The following RBMS3 variants were observed in gnomAD, a reference collection of about 807,000 sequenced individuals.
RBMS3 encodes the protein RNA binding motif single stranded interacting protein 3.
RBMS3 carries 27 observed loss-of-function variants against 66.8 expected under a neutral mutation model. The ratio of observed to expected loss-of-function variants is 0.40; its 90% CI spans 0.30 to 0.56. The LOEUF (loss-of-function observed/expected upper bound fraction) is 0.56. Among genes scored for constraint, RBMS3 ranks in the 20% least tolerant of loss-of-function variants. RBMS3 has a pLI of 0.40. For missense variants in RBMS3, 513 were observed against 549.5 expected, an observed-to-expected ratio of 0.93 and a Z score of 0.66; for synonymous variants, 188 against 183.0, an observed-to-expected ratio of 1.03 and a Z score of -0.22.
chr3:29,541,838 C>T (rs2045775296), intron 3 of RBMS3, among the ~76,000 whole-genome samples: 1 of 152,102 alleles, frequency 6.6e-6, no homozygotes, highest in Non-Finnish European at 1.5e-5. Flanking sequence ...ACTGCCGCAG[C>T]CCTCAGCCCT....
rs150222372 is a variant in RBMS3, at chr3:29,750,670, A to T, written c.557+10793A>T. Among the ~76,000 whole-genome samples the T allele has an allele frequency of 3.6e-3, 552 of 152,184 alleles. 4 individuals are homozygous for T. The highest frequency in any genetic ancestry group is 0.013 in the African/African-American group (524 of 41,526). On this transcript the variant is annotated intron_variant, in intron 5 of 14. Coordinates refer to ENST00000383767, the MANE Select transcript of RBMS3 (RefSeq NM_001003793.3). ...CACCCATATATTAAGCCTAGTACCC[A>T]TTAGTTATTTTTCTGATCCTCTCCT... is the stretch of plus-strand genomic sequence containing the variant.
At chr3:29,621,052 A>G (rs1191252601) in intron 4 of RBMS3, among the ~76,000 whole-genome samples, 7 of 152,122 alleles carry the variant, frequency 4.6e-5, no homozygotes, top group African/African-American at 1.7e-4. Context: ...GGAAACCCAT[A>G]GCTCATAAAG....
intron 3 of RBMS3, among the ~76,000 whole-genome samples, chr3:29,540,436 A>G (rs1479999866): frequency 6.6e-6 from 1 of 152,184 alleles, no homozygotes; most frequent in Non-Finnish European, 1.5e-5. Flanking sequence ...ACATTTGTTA[A>G]TTAAGAAGCA....
At chr3:29,713,501 C>G (rs2053258431) in intron 4 of RBMS3, among the ~76,000 whole-genome samples, 1 of 151,990 alleles carries the variant, frequency 6.6e-6, no homozygotes, top group African/African-American at 2.4e-5. Context: ...TGTGCTGGCT[C>G]CATTCTAGAA....
chr3:29,733,628 G>A (rs967657722), intron 4 of RBMS3, among the ~76,000 whole-genome samples: 13 of 152,036 alleles, frequency 8.6e-5, no homozygotes, highest in African/African-American at 3.1e-4. Flanking sequence ...GTGATGTTGA[G>A]TATATTTCTC....
chr3:29,828,212 C>T (rs2058260482), intron 6 of RBMS3, among the ~76,000 whole-genome samples: 1 of 152,148 alleles, frequency 6.6e-6, no homozygotes, highest in Non-Finnish European at 1.5e-5. Context: ...GGCCCTATAT[C>T]CCAAGGAGCC....
At chr3:29,346,709 A>G (rs2036600877) in intron 1 of RBMS3, among the ~76,000 whole-genome samples, 1 of 152,088 alleles carries the variant, frequency 6.6e-6, no homozygotes. Flanking sequence ...TCATTCTTAT[A>G]TCTTCAGAAA....
At position 29,556,747 on chromosome 3, in the gene RBMS3, AC is replaced by A. The variant is rs147177217; in HGVS notation, c.308-30365del. Among the ~76,000 whole-genome samples the A allele has an allele frequency of 6.2e-3, 937 of 152,222 alleles. 27 individuals carry two copies. Among genetic ancestry groups the A allele is most frequent in the Admixed American group, 0.054 (830 of 15,292 alleles). ...TGTATTTCTGTTTCCAATTGCTAGCACCTGTGACTGTTCTTCCTAGGGCAGT... is the reference window on the plus strand; with the variant it reads ...TGTATTTCTGTTTCCAATTGCTAGCACTGTGACTGTTCTTCCTAGGGCAGT... On this transcript the variant is annotated intron_variant, in intron 3 of 14. Coordinates refer to ENST00000383767, the MANE Select transcript of RBMS3 (RefSeq NM_001003793.3).
At chr3:29,383,357 G>A (rs779515163) in intron 1 of RBMS3, among the ~76,000 whole-genome samples, 83 of 152,078 alleles carry the variant, frequency 5.5e-4, no homozygotes, top group Non-Finnish European at 6.2e-4. Context: ...TTTTGATTTT[G>A]CCTCTGATAT....
At chr3:29,986,235 A>G (rs1698383879) in intron 12 of RBMS3, among the ~76,000 whole-genome samples, 1 of 152,252 alleles carries the variant, frequency 6.6e-6, no homozygotes, top group African/African-American at 2.4e-5. Context: ...TGATAAAAAT[A>G]TATTCTCACT....
chr3:29,902,105 T>C (rs1359070849), intron 10 of RBMS3, among the ~76,000 whole-genome samples: 1 of 151,882 alleles, frequency 6.6e-6, no homozygotes, highest in Non-Finnish European at 1.5e-5. Flanking sequence ...GGATTCTTGG[T>C]TGAGCTCATT....
At chr3:29,662,057 A>G (rs1171017642) in intron 4 of RBMS3, among the ~76,000 whole-genome samples, 1 of 152,220 alleles carries the variant, frequency 6.6e-6, no homozygotes, top group Non-Finnish European at 1.5e-5. Flanking sequence ...TGAATGATCT[A>G]TGCACATTTT....
At chr3:29,953,696 A>G (rs1036473394) in intron 12 of RBMS3, among the ~76,000 whole-genome samples, 3 of 151,940 alleles carry the variant, frequency 2.0e-5, no homozygotes, top group Admixed American at 6.6e-5. Context: ...TTTGATTGTC[A>G]CAATCATTCC....
chr3:29,663,302 A>G (rs2050627350), intron 4 of RBMS3, among the ~76,000 whole-genome samples: 1 of 152,260 alleles, frequency 6.6e-6, no homozygotes, highest in African/African-American at 2.4e-5. Context: ...ACAAATGGTC[A>G]ATAACCTCTA....
intron 1 of RBMS3, among the ~76,000 whole-genome samples, chr3:29,430,008 C>T (rs1269463609): frequency 1.3e-5 from 2 of 152,006 alleles, no homozygotes; most frequent in African/African-American, 2.4e-5. Context: ...GCAGCAAGAA[C>T]ATACAAAATC....
chr3:29,811,617 C>T (rs189691920), intron 6 of RBMS3, among the ~76,000 whole-genome samples: 4 of 151,976 alleles, frequency 2.6e-5, no homozygotes, highest in Admixed American at 2.6e-4. Context: ...AAACTTGTTC[C>T]CTCTCCCCCA....
chr3:29,509,731 C>A (rs1319094365), intron 3 of RBMS3, among the ~76,000 whole-genome samples: 1 of 152,164 alleles, frequency 6.6e-6, no homozygotes, highest in Non-Finnish European at 1.5e-5. Context: ...CAAAAGTATA[C>A]CCAGAATTTA....
chr3:29,567,718 T>C (rs1254960468), intron 3 of RBMS3, among the ~76,000 whole-genome samples: 2 of 152,142 alleles, frequency 1.3e-5, no homozygotes, highest in East Asian at 3.9e-4. Flanking sequence ...CTTGAGAAAT[T>C]CTTTTTCCCC....
chr3:29,851,006 C>T (rs2058920416), intron 6 of RBMS3, among the ~76,000 whole-genome samples: 1 of 152,202 alleles, frequency 6.6e-6, no homozygotes, highest in South Asian at 2.1e-4. Context: ...ACTTTTCTTC[C>T]TCATATTTCC....
Sources: allele counts gnomAD v4.1 joint callset (sites outside exome capture counted in the v4.1 genomes callset), GRCh38; gene constraint gnomAD v4.1.1; transcripts MANE v1.5; gene names NCBI Gene and HGNC (gene_info 2026-07-23, HGNC 2026-07-21).